The following GRIP1 variants were observed in gnomAD, a reference collection of about 807,000 sequenced individuals.
The protein encoded by GRIP1 is glutamate receptor-interacting protein 1.
GRIP1 carries 45 observed loss-of-function variants against 129.9 expected under a neutral mutation model. The ratio of observed to expected loss-of-function variants is 0.35; its 90% CI spans 0.27 to 0.44. GRIP1 has a LOEUF of 0.44. GRIP1 is among the 20% of genes least tolerant of loss of function. The pLI, the probability that GRIP1 is intolerant of heterozygous loss-of-function variation, is 1.00. For missense variants in GRIP1, 1,196 were observed against 1,396.8 expected, an observed-to-expected ratio of 0.86 and a Z score of 2.29; for synonymous variants, 530 against 520.8, an observed-to-expected ratio of 1.02 and a Z score of -0.24.
Position 66,456,785 on chromosome 12 carries a change from C to T in GRIP1, c.1043-443G>A, listed in dbSNP as rs146340265. 3.9e-3 allele frequency among the ~76,000 whole-genome samples: 597 copies of T among 152,186 alleles called. 8 individuals are homozygous for T. Among genetic ancestry groups the T allele is most frequent in the African/African-American group, 0.013 (553 of 41,530 alleles). Reference sequence around the variant, plus strand: ...AAAGAAAAGAAAGAGCAATAAATCACGTTGGTGCATGATTCAAGTGGTTTA... The same window carrying T: ...AAAGAAAAGAAAGAGCAATAAATCATGTTGGTGCATGATTCAAGTGGTTTA... On this transcript the variant is annotated intron_variant, in intron 9 of 24. Transcript: ENST00000359742.
At chr12:66,618,978 G>C (rs1449087399) in intron 1 of GRIP1, among the ~76,000 whole-genome samples, 3 of 152,094 alleles carry the variant, frequency 2.0e-5, no homozygotes, top group Non-Finnish European at 4.4e-5. Context: ...TTCAAAAAAG[G>C]ATGTTCAGGC....
intron 7 of GRIP1, among the ~76,000 whole-genome samples, chr12:66,492,862 T>C (rs894319957): frequency 3.3e-5 from 5 of 151,986 alleles, no homozygotes; most frequent in African/African-American, 4.8e-5. Context: ...ATACAAAAAT[T>C]AGCCAGGTAT....
chr12:66,583,059 A>G (rs1434026048), intron 2 of GRIP1, among the ~76,000 whole-genome samples: 49 of 151,482 alleles, frequency 3.2e-4, no homozygotes, highest in African/African-American at 1.1e-3. Flanking sequence ...CAAAACAGAG[A>G]TATAGATCAA....
intron 1 of GRIP1, among the ~76,000 whole-genome samples, chr12:66,944,829 G>C (rs1326189443): frequency 6.6e-6 from 1 of 152,138 alleles, no homozygotes; most frequent in East Asian, 1.9e-4. Context: ...GTCTCACTTT[G>C]TTGCCCAGGC....
In GRIP1 at chr12:66,815,854, T is replaced by TTCTTTCTTTCTTTCTTTC. The variant is rs1555241802; in HGVS notation, c.59-218928_59-218927insGAAAGAAAGAAAGAAAGA. 2.4e-3 allele frequency among the ~76,000 whole-genome samples: 279 copies of TTCTTTCTTTCTTTCTTTC among 116,818 alleles called. 3 individuals are homozygous for TTCTTTCTTTCTTTCTTTC. The East Asian group carries it at 0.037, about 15-fold the overall frequency. The allele number at this position is 116,818 out of a possible 152,430, so 76.6% of individuals were successfully genotyped here. A position where few individuals can be genotyped will look rare whatever the true frequency, so the allele number is the denominator to read the frequency against. On this transcript the variant is annotated intron_variant, in intron 1 of 1. Transcript: ENST00000643019. ...TTTCTTTCTTTCTTTCTTTCTTTCT[T>TTCTTTCTTTCTTTCTTTC]TCTCTCTCTCTCTCTCTCTCTCTCT...
At chr12:66,424,879 T>C (rs1358603229) in intron 14 of GRIP1, among the ~76,000 whole-genome samples, 2 of 151,980 alleles carry the variant, frequency 1.3e-5, no homozygotes, top group African/African-American at 4.8e-5. Context: ...ACTGGTTGCT[T>C]TCTAGGTTTG....
At position 66,440,437 on chromosome 12, in the gene GRIP1, T is replaced by A. The variant is rs114267985; in HGVS notation, c.1687+4147A>T. Among the ~76,000 whole-genome samples, 846 of 152,288 alleles carry A rather than the reference T, an allele frequency of 5.6e-3. 9 individuals are homozygous for A. The highest frequency in any genetic ancestry group is 0.02 in the African/African-American group (819 of 41,570). ...CTTTCCAAATTTTTTTTGGACCCAT[T>A]AACCATCCCCACTCCCCACTATCAT... On this transcript the variant is annotated intron_variant, in intron 13 of 24. Coordinates refer to ENST00000359742, the MANE Select transcript of GRIP1 (RefSeq NM_001366722.1).
At chr12:67,021,518 T>C (rs1011792808) in intron 1 of GRIP1, among the ~76,000 whole-genome samples, 2 of 152,214 alleles carry the variant, frequency 1.3e-5, no homozygotes, top group Admixed American at 1.3e-4. Context: ...TTTTATTTAA[T>C]TGACACATAA....
chr12:66,907,708 G>A (rs1301645360), intron 1 of GRIP1, among the ~76,000 whole-genome samples: 1 of 152,134 alleles, frequency 6.6e-6, no homozygotes, highest in African/African-American at 2.4e-5. Context: ...AGGGGGTAGT[G>A]TGAAGAAAGA....
At chr12:66,992,819 G>A (rs73317157) in intron 1 of GRIP1, among the ~76,000 whole-genome samples, 16,979 of 152,202 alleles carry the variant, frequency 0.11, 1,123 homozygotes, top group African/African-American at 0.2. Context: ...AATAACCAAT[G>A]GGTCAAAAAA....
chr12:66,473,375 G>T (rs1300755077), intron 7 of GRIP1, among the ~76,000 whole-genome samples: 1 of 152,228 alleles, frequency 6.6e-6, no homozygotes, highest in African/African-American at 2.4e-5. Flanking sequence ...AGAGCACCTG[G>T]GGGAAGGGGC....
chr12:66,653,038 C>T (rs1437775415), intron 1 of GRIP1, among the ~76,000 whole-genome samples: 1 of 152,192 alleles, frequency 6.6e-6, no homozygotes, highest in African/African-American at 2.4e-5. Context: ...GGGATAAATT[C>T]TATTTGCTTA....
At chr12:67,050,111 TATG>T (rs769648001) in intron 1 of GRIP1, among the ~76,000 whole-genome samples, 1 of 147,522 alleles carries the variant, frequency 6.8e-6, no homozygotes. Context: ...CTTATTTTAT[TATG>T]ATATTAAACT....
At chr12:66,882,200 T>A (rs1378338753) in intron 1 of GRIP1, among the ~76,000 whole-genome samples, 1 of 92,378 alleles carries the variant, frequency 1.1e-5, no homozygotes, top group Non-Finnish European at 2.2e-5. Flanking sequence ...AAACACATAG[T>A]GTGCCATCAC....
chr12:66,881,598 A>G (rs1263772907), intron 1 of GRIP1, among the ~76,000 whole-genome samples: 1 of 152,140 alleles, frequency 6.6e-6, no homozygotes, highest in African/African-American at 2.4e-5. Flanking sequence ...AGGTCTTATT[A>G]AAACAATCCA....
At chr12:66,534,728 C>G (rs2061557448) in intron 4 of GRIP1, among the ~76,000 whole-genome samples, 1 of 151,864 alleles carries the variant, frequency 6.6e-6, no homozygotes, top group Non-Finnish European at 1.5e-5. Context: ...GAGTCTTGCT[C>G]TGTTGCCCAG....
chr12:66,483,114 C>T (rs535758536), intron 7 of GRIP1, among the ~76,000 whole-genome samples: 2 of 152,082 alleles, frequency 1.3e-5, no homozygotes, highest in African/African-American at 2.4e-5. Flanking sequence ...TAGAACCTCC[C>T]GGGGGTAGTG....
intron 1 of GRIP1, among the ~76,000 whole-genome samples, chr12:66,785,772 A>C (rs189974226): frequency 1.3e-5 from 2 of 152,226 alleles, no homozygotes; most frequent in Admixed American, 1.3e-4. Context: ...ACAATCACAC[A>C]CTTAAGTAAC....
chr12:66,664,820 C>T (rs1192702827), intron 1 of GRIP1, among the ~76,000 whole-genome samples: 1 of 152,032 alleles, frequency 6.6e-6, no homozygotes, highest in African/African-American at 2.4e-5. Flanking sequence ...TACTTTTAAT[C>T]GTTTTGTTTT....
Sources: gnomAD v4.1 joint callset for allele counts (sites outside exome capture counted in the v4.1 genomes callset) on GRCh38, gnomAD v4.1.1 for gene constraint, MANE v1.5 for transcripts, NCBI Gene and HGNC (gene_info 2026-07-23, HGNC 2026-07-21) for gene names.